The following MEAK7 variants were observed in gnomAD, a reference collection of about 807,000 sequenced individuals.
The protein encoded by MEAK7 is MTOR associated protein MEAK7.
In MEAK7, 68 loss-of-function variants were observed where a neutral mutation model predicts 40.5. The observed-to-expected ratio is 1.68, with a 90% CI of 1.38 to 2.06. The LOEUF (loss-of-function observed/expected upper bound fraction) is 2.06. Ranked by LOEUF, MEAK7 falls within the 30% of genes most tolerant of loss-of-function variation. The probability of loss-of-function intolerance (pLI) is 0.00; values close to 1 mark genes in which losing one functional copy is unlikely to be tolerated. For missense variants in MEAK7, 918 were observed against 580.5 expected (o/e 1.58, Z -5.98); for synonymous variants, 338 against 231.9 (o/e 1.46, Z -4.16).
At chr16:84,482,853 T>A (rs1482480957) in intron 5 of MEAK7, 143 bp from the exon 6 acceptor site, 2 of 1,314,004 alleles carry the variant, frequency 1.5e-6, no homozygotes, top group African/African-American at 2.9e-5. Flanking sequence ...AGATCAGGGT[T>A]TGGGACAAGC....
At chr16:84,481,664 T>G (rs1912556545) in intron 6 of MEAK7, among the ~76,000 whole-genome samples, 3 of 152,198 alleles carry the variant, frequency 2.0e-5, no homozygotes, top group Admixed American at 2.0e-4. Flanking sequence ...CTGGGCGCAG[T>G]GGCTCACGCC....
Position 84,497,917 on chromosome 16 carries a change from CG to C in MEAK7, c.153+16del, listed in dbSNP as rs1914187116. The C allele has an allele frequency of 1.2e-6, 2 of 1,614,020 alleles. No homozygotes were observed. Among genetic ancestry groups the C allele is most frequent in the Admixed American group, 1.7e-5 (1 of 59,992 alleles). On this transcript the variant is annotated intron_variant, in intron 2 of 7. Transcript: ENST00000343629. ...CCTGCTCCCAACTAAACATGAACCA[CG>C]GGTTGTTACTCTTGCCTGTAGTGCC...
At chr16:84,500,254 T>C (rs1263950940) in intron 1 of MEAK7, among the ~76,000 whole-genome samples, 1 of 152,220 alleles carries the variant, frequency 6.6e-6, no homozygotes, top group African/African-American at 2.4e-5. Flanking sequence ...CCGGCTATCA[T>C]GAATAGTGCT....
intron 3 of MEAK7, among the ~76,000 whole-genome samples, chr16:84,495,026 TG>T (rs1913924149): frequency 6.6e-6 from 1 of 152,156 alleles, no homozygotes; most frequent in Admixed American, 6.5e-5. Flanking sequence ...CCTACCACTT[TG>T]GGAGGCCAAG....
intron 1 of MEAK7, chr16:84,502,825 A>T (rs986064829): frequency 6.6e-6 from 1 of 152,208 alleles, no homozygotes; most frequent in African/African-American, 2.4e-5. Flanking sequence ...AGCCAAGATC[A>T]CAACAGTGCA....
Position 84,495,815 on chromosome 16 carries a change from C to T in MEAK7, c.252G>A (p.Glu84=), listed in dbSNP as rs1452583923. The T allele has an allele frequency of 1.9e-6, 3 of 1,614,102 alleles. No homozygotes were observed. Among genetic ancestry groups the T allele is most frequent in the South Asian group, 1.1e-5 (1 of 91,076 alleles). ...CTGTGAACTGCTCCTGGGACACGTT[C>T]TCACTGGGTCCCTTCGCCTTCCCTG... ...DLTGKAKGPS[E]NVSQEQFTAS... is the part of the protein sequence containing the mutation. The change falls in exon 3 of 8, where the codon GAG becomes GAA. Residue 84 remains glutamate, a synonymous_variant. Coordinates refer to ENST00000343629, the MANE Select transcript of MEAK7 (RefSeq NM_020947.4).
intron 5 of MEAK7, among the ~76,000 whole-genome samples, chr16:84,485,680 A>ATCTG (rs1396531487): frequency 2.6e-5 from 4 of 152,268 alleles, no homozygotes; most frequent in Admixed American, 2.6e-4. Flanking sequence ...CTACCTATCT[A>ATCTG]TCTATCTATC....
intron 3 of MEAK7, among the ~76,000 whole-genome samples, chr16:84,490,658 G>GTC (rs1158198492): frequency 7.8e-6 from 1 of 127,586 alleles, no homozygotes; most frequent in East Asian, 2.5e-4. Flanking sequence ...ATCAAGATGT[G>GTC]TGTGTGTGTG....
chr16:84,489,519 C>T (rs1337837823), intron 3 of MEAK7, 97 bp from the exon 4 acceptor site: 1 of 1,353,322 alleles, frequency 7.4e-7, no homozygotes, highest in Non-Finnish European at 1.0e-6. Context: ...TTAACACCAA[C>T]TATGATGGGC....
chr16:84,481,044 C>T (rs147607421), intron 6 of MEAK7, among the ~76,000 whole-genome samples: 170 of 132,952 alleles, frequency 1.3e-3, no homozygotes, highest in African/African-American at 3.9e-3. Flanking sequence ...CCCAGGGCCC[C>T]GCCCAGTTAA....
intron 3 of MEAK7, among the ~76,000 whole-genome samples, chr16:84,489,905 G>A (rs950277564): frequency 3.3e-5 from 5 of 152,206 alleles, no homozygotes; most frequent in Non-Finnish European, 7.3e-5. Flanking sequence ...GCTTCCAACA[G>A]GGAAGGGGAA....
intron 2 of MEAK7, 32 bp downstream of exon 2, chr16:84,497,902 A>G (rs1914184585): frequency 1.2e-6 from 2 of 1,614,022 alleles, no homozygotes; most frequent in African/African-American, 1.3e-5. Context: ...CCTGCTCCCA[A>G]CTAAACATGA....
intron 2 of MEAK7, among the ~76,000 whole-genome samples, chr16:84,496,395 T>C (rs1350478728): frequency 6.6e-6 from 1 of 152,164 alleles, no homozygotes; most frequent in Admixed American, 6.5e-5. Flanking sequence ...CTTGAGGACC[T>C]CTTCTTTTGG....
chr16:84,481,794 C>A (rs543110384), intron 6 of MEAK7, among the ~76,000 whole-genome samples: 2 of 152,032 alleles, frequency 1.3e-5, no homozygotes, highest in Non-Finnish European at 2.9e-5. Flanking sequence ...ATTAGCCAGG[C>A]GTGATAGCGG....
intron 3 of MEAK7, among the ~76,000 whole-genome samples, chr16:84,493,861 C>G (rs1197496400): frequency 6.6e-6 from 1 of 152,148 alleles, no homozygotes; most frequent in African/African-American, 2.4e-5. Context: ...AAACTGGCCT[C>G]ACACTGTCCT....
chr16:84,501,027 G>A lies in MEAK7; in HGVS notation c.-25-2916C>T, dbSNP rs1462933185. ...GAAGAATTGGTTGAACACGGACAGC[G>A]GAAGTCGCAGTGAGCCGAGACCACG... is the stretch of plus-strand genomic sequence containing the variant. On this transcript the variant is annotated intron_variant, in intron 1 of 7. Transcript: ENST00000343629. Among the ~76,000 whole-genome samples, 4 of 149,628 alleles carry A rather than the reference G, an allele frequency of 2.7e-5. 1 individual carries two copies. Among genetic ancestry groups the A allele is most frequent in the African/African-American group, 4.9e-5 (2 of 40,658 alleles).
Position 84,497,657 on chromosome 16 carries a change from A to C in MEAK7, c.153+277T>G, listed in dbSNP as rs1000130190. 5 of 1,433,996 alleles carry C rather than the reference A, an allele frequency of 3.5e-6. No individual in the cohort carries two copies. The African/African-American group carries it at 7.1e-5, about 20-fold the overall frequency. 88.8% of individuals were successfully genotyped at this position (1,433,996 alleles called of 1,614,324 possible). A position where few individuals can be genotyped will look rare whatever the true frequency, so the allele number is the denominator to read the frequency against. ...TACTCCAGGTTCCTTTCTGTAGTAC[A>C]GATAAGAGACTATTGATTTCAAAAA... On this transcript the variant is annotated intron_variant, in intron 2 of 7. Coordinates refer to ENST00000343629, the MANE Select transcript of MEAK7 (RefSeq NM_020947.4).
At chr16:84,491,713 C>A (rs527359400) in intron 3 of MEAK7, among the ~76,000 whole-genome samples, 1 of 151,398 alleles carries the variant, frequency 6.6e-6, no homozygotes, top group African/African-American at 2.4e-5. Context: ...TGGCGTGCAC[C>A]TGTAGTCCCA....
intron 3 of MEAK7, among the ~76,000 whole-genome samples, chr16:84,493,807 G>T (rs1567500497): frequency 6.6e-6 from 1 of 152,176 alleles, no homozygotes; most frequent in African/African-American, 2.4e-5. Flanking sequence ...AGATTACCTT[G>T]AGAAAATGAA....
Sources: allele counts gnomAD v4.1 joint callset (sites outside exome capture counted in the v4.1 genomes callset), GRCh38; gene constraint gnomAD v4.1.1; transcripts MANE v1.5; gene names NCBI Gene and HGNC (gene_info 2026-07-23, HGNC 2026-07-21).